WDR70: variants seen among roughly 807,000 people sequenced by gnomAD.
WDR70 encodes the protein WD repeat domain 70.
WDR70 carries 53 observed loss-of-function variants against 88.6 expected under a neutral mutation model. The observed-to-expected ratio is 0.60, with a 90% CI of 0.48 to 0.75. The LOEUF is 0.75. Ranked by LOEUF, WDR70 falls within the 30% of genes least tolerant of loss-of-function variation. WDR70 has a pLI of 0.00. For missense variants in WDR70, 610 were observed against 823.2 expected (o/e 0.74, Z 3.17); for synonymous variants, 280 against 270.0 (o/e 1.04, Z -0.36).
At chr5:37,474,217 A>G (rs1338857723) in intron 7 of WDR70, among the ~76,000 whole-genome samples, 2 of 152,200 alleles carry the variant, frequency 1.3e-5, no homozygotes, top group African/African-American at 2.4e-5. Flanking sequence ...GGTTTTTGAC[A>G]TTTATTGAGA....
intron 10 of WDR70, among the ~76,000 whole-genome samples, chr5:37,608,799 T>C (rs1351281247): frequency 6.6e-6 from 1 of 151,988 alleles, no homozygotes; most frequent in African/African-American, 2.4e-5. Flanking sequence ...ACTTAAGCAG[T>C]CTCCCCACCT....
Position 37,541,056 on chromosome 5 carries a change from A to C in WDR70, c.917+24466A>C, listed in dbSNP as rs115071070. Among the ~76,000 whole-genome samples the C allele has an allele frequency of 1.3e-3, 196 of 152,350 alleles. 1 individual carries two copies. The highest frequency in any genetic ancestry group is 4.6e-3 in the African/African-American group (191 of 41,596). Reference sequence around the variant, plus strand: ...CACCTTCTATGTGTAAGTAAGAAACACAGAAATTTTAAAAAAGAGTCTTAA... The same window carrying C: ...CACCTTCTATGTGTAAGTAAGAAACCCAGAAATTTTAAAAAAGAGTCTTAA... On this transcript the variant is annotated intron_variant, in intron 9 of 17. Coordinates refer to ENST00000265107, the MANE Select transcript of WDR70 (RefSeq NM_018034.4).
At chr5:37,721,092 A>G (rs1485839702) in intron 13 of WDR70, 23 bp from the exon 14 acceptor site, 1 of 1,611,244 alleles carries the variant, frequency 6.2e-7, no homozygotes, top group Middle Eastern at 1.7e-4. Flanking sequence ...TCTTTAGTCA[A>G]CCACTGCGCT....
chr5:37,724,139 GT>G lies in WDR70; in HGVS notation c.1598-794del, dbSNP rs1190625160. 4 of 152,036 alleles carry G rather than the reference GT, an allele frequency of 2.6e-5. No homozygotes were observed. The South Asian group carries it at 6.2e-4, about 24-fold the overall frequency. 9.4% of individuals were successfully genotyped at this position (152,036 alleles called of 1,614,324 possible). A position where few individuals can be genotyped will look rare whatever the true frequency, so the allele number is the denominator to read the frequency against. On this transcript the variant is annotated intron_variant, in intron 15 of 17. Coordinates refer to ENST00000265107, the MANE Select transcript of WDR70 (RefSeq NM_018034.4). The stretch of plus-strand genomic sequence containing the variant: ...ACGTAAGAGTCAAAAGAAACTGCTA[GT>G]ACTTTTCTGGGGCAAAAAAAGGGAG...
At chr5:37,526,245 A>G (rs1369372599) in intron 9 of WDR70, among the ~76,000 whole-genome samples, 2 of 152,100 alleles carry the variant, frequency 1.3e-5, no homozygotes, top group Non-Finnish European at 2.9e-5. Context: ...TAAAATACTG[A>G]CAAACCGAAT....
rs201435039 is a variant in WDR70, at chr5:37,379,397, G to A, written c.25+5G>A. 2,964 of 1,613,638 alleles carry A rather than the reference G, an allele frequency of 1.8e-3. 6 individuals carry two copies. The highest frequency in any genetic ancestry group is 2.2e-3 in the Non-Finnish European group (2,586 of 1,179,820). ...AGCGCTCTGGGCCCAGCGAAGGTGG[G>A]TTTCATGAGGCGAGTCCGGGCGGGG... On this transcript the variant is annotated splice_donor_5th_base_variant and intron_variant, in intron 1 of 17. Coordinates refer to ENST00000265107, the MANE Select transcript of WDR70 (RefSeq NM_018034.4).
intron 10 of WDR70, among the ~76,000 whole-genome samples, chr5:37,628,027 C>T (rs1434531475): frequency 2.0e-5 from 3 of 152,144 alleles, no homozygotes; most frequent in Non-Finnish European, 2.9e-5. Context: ...TGGGCTCAAA[C>T]GATACTCCTT....
intron 8 of WDR70, among the ~76,000 whole-genome samples, chr5:37,482,773 A>G (rs1422390416): frequency 6.6e-6 from 1 of 152,224 alleles, no homozygotes. Context: ...AGATCCCACC[A>G]TTATATGGGT....
chr5:37,649,249 C>G (rs1289342109), intron 10 of WDR70, among the ~76,000 whole-genome samples: 1 of 151,790 alleles, frequency 6.6e-6, no homozygotes, highest in Non-Finnish European at 1.5e-5. Context: ...AATGACCATT[C>G]AGCTGCATCT....
intron 8 of WDR70, among the ~76,000 whole-genome samples, chr5:37,505,227 T>C (rs1740524815): frequency 6.6e-6 from 1 of 152,226 alleles, no homozygotes; most frequent in African/African-American, 2.4e-5. Flanking sequence ...GATCTGGATT[T>C]AATATCGATT....
intron 7 of WDR70, among the ~76,000 whole-genome samples, chr5:37,463,794 A>G (rs1465944608): frequency 6.6e-6 from 1 of 152,200 alleles, no homozygotes; most frequent in Non-Finnish European, 1.5e-5. Context: ...TACTGTGTCT[A>G]ATGACTCTTA....
intron 9 of WDR70, among the ~76,000 whole-genome samples, chr5:37,555,719 T>G (rs1036134263): frequency 3.5e-5 from 2 of 57,174 alleles, no homozygotes; most frequent in African/African-American, 6.6e-5. Flanking sequence ...TTTTTTTGTT[T>G]TGTTTTGTTT....
At chr5:37,710,554 CTCAATCACAAAGT>C (rs1747483594) in intron 13 of WDR70, among the ~76,000 whole-genome samples, 1 of 152,106 alleles carries the variant, frequency 6.6e-6, no homozygotes, top group Non-Finnish European at 1.5e-5. Context: ...AGATGCTTTC[CTCAATCACAAAGT>C]TTACAGGGAC....
intron 9 of WDR70, among the ~76,000 whole-genome samples, chr5:37,520,218 TA>T (rs1741044609): frequency 6.6e-6 from 1 of 152,328 alleles, no homozygotes; most frequent in African/African-American, 2.4e-5. Flanking sequence ...TTCTGATACT[TA>T]AATTTGCCTT....
At chr5:37,689,367 G>A (rs930364420) in intron 10 of WDR70, among the ~76,000 whole-genome samples, 3 of 152,202 alleles carry the variant, frequency 2.0e-5, no homozygotes, top group Non-Finnish European at 2.9e-5. Context: ...CTCTGAGAAC[G>A]GACAGACTGC....
intron 5 of WDR70, among the ~76,000 whole-genome samples, chr5:37,432,665 G>C (rs1328585310): frequency 1.3e-5 from 2 of 152,042 alleles, no homozygotes; most frequent in African/African-American, 4.8e-5. Flanking sequence ...CAAAGTGCTG[G>C]GATTACAGGC....
chr5:37,463,598 A>G (rs185349663), intron 7 of WDR70, among the ~76,000 whole-genome samples: 10 of 152,304 alleles, frequency 6.6e-5, no homozygotes, highest in South Asian at 2.1e-4. Context: ...CAATTGTGCA[A>G]TGTCACTAAG....
rs114122691 is a variant in WDR70, at chr5:37,663,747, C to T, written c.1093-33908C>T. ...GCATACTGCTGTGGTCTCTCAGCCTCCTTCCCTGCAGTCGCCAAGGAAGAG... is the reference window on the plus strand; with the variant it reads ...GCATACTGCTGTGGTCTCTCAGCCTTCTTCCCTGCAGTCGCCAAGGAAGAG... On this transcript the variant is annotated intron_variant, in intron 10 of 17. Coordinates refer to ENST00000265107, the MANE Select transcript of WDR70 (RefSeq NM_018034.4). 9.2e-3 allele frequency among the ~76,000 whole-genome samples: 1,408 copies of T among 152,238 alleles called. 25 individuals are homozygous for T. Among genetic ancestry groups the T allele is most frequent in the African/African-American group, 0.032 (1,338 of 41,546 alleles).
At chr5:37,559,075 C>T (rs1028231987) in intron 9 of WDR70, among the ~76,000 whole-genome samples, 14 of 151,762 alleles carry the variant, frequency 9.2e-5, no homozygotes, top group Non-Finnish European at 1.3e-4. Flanking sequence ...CTGGGATTAC[C>T]GGTGCCCGCC....
Sources: allele counts gnomAD v4.1 joint callset (sites outside exome capture counted in the v4.1 genomes callset), GRCh38; gene constraint gnomAD v4.1.1; transcripts MANE v1.5; gene names NCBI Gene and HGNC (gene_info 2026-07-23, HGNC 2026-07-21).